Variants in PIBF1 observed in about 807,000 individuals in gnomAD.
PIBF1 encodes the protein progesterone immunomodulatory binding factor 1.
PIBF1 carries 90 observed loss-of-function variants against 112.5 expected under a neutral mutation model. The ratio of observed to expected loss-of-function variants is 0.80; its 90% CI spans 0.67 to 0.95. PIBF1 has a LOEUF of 0.95. PIBF1 is among the 40% of genes least tolerant of loss of function. The pLI is 0.00. For synonymous variants in PIBF1, 301 were observed against 288.6 expected, an observed-to-expected ratio of 1.04 and a Z score of -0.44; for missense variants, 915 against 852.3, an observed-to-expected ratio of 1.07 and a Z score of -0.92.
chr13:72,934,287 T>C (rs1264914714), intron 14 of PIBF1, among the ~76,000 whole-genome samples: 5 of 152,024 alleles, frequency 3.3e-5, no homozygotes, highest in African/African-American at 9.7e-5. Context: ...ATCTTTATTC[T>C]TTATTTTATT....
At chr13:72,874,019 A>T (rs1308949273) in intron 10 of PIBF1, among the ~76,000 whole-genome samples, 1 of 152,184 alleles carries the variant, frequency 6.6e-6, no homozygotes, top group Admixed American at 6.5e-5. Flanking sequence ...ATCACCAGGA[A>T]AATGGAAATT....
intron 5 of PIBF1, among the ~76,000 whole-genome samples, chr13:72,802,827 G>C (rs574032392): frequency 1.9e-4 from 29 of 152,114 alleles, no homozygotes; most frequent in Non-Finnish European, 3.2e-4. Context: ...GGGAAGAGAA[G>C]GAAGACCACA....
chr13:72,996,939 TAA>T (rs1357753043), intron 16 of PIBF1, among the ~76,000 whole-genome samples: 1 of 152,228 alleles, frequency 6.6e-6, no homozygotes, highest in Non-Finnish European at 1.5e-5. Context: ...TTGCTGATCT[TAA>T]AGTGTTCTTT....
intron 5 of PIBF1, among the ~76,000 whole-genome samples, chr13:72,811,390 G>T (rs2036002532): frequency 6.6e-6 from 1 of 152,072 alleles, no homozygotes; most frequent in Non-Finnish European, 1.5e-5. Context: ...ATCACCTGAG[G>T]TCAGGAGTTC....
At chr13:72,834,360 C>A (rs896230935) in intron 8 of PIBF1, among the ~76,000 whole-genome samples, 4 of 152,140 alleles carry the variant, frequency 2.6e-5, no homozygotes, top group African/African-American at 9.7e-5. Context: ...TGCAGTGGCT[C>A]ACACCTGTAA....
intron 14 of PIBF1, among the ~76,000 whole-genome samples, chr13:72,953,241 C>G (rs775867496): frequency 4.9e-4 from 74 of 152,310 alleles, no homozygotes; most frequent in Middle Eastern, 3.4e-3. Flanking sequence ...AGACTTTCCC[C>G]CTATGAGCCC....
At chr13:72,997,729 A>G (rs1021483305) in intron 16 of PIBF1, among the ~76,000 whole-genome samples, 1 of 152,230 alleles carries the variant, frequency 6.6e-6, no homozygotes, top group Non-Finnish European at 1.5e-5. Context: ...GTGTTTTGGC[A>G]TGAAGATACA....
intron 8 of PIBF1, among the ~76,000 whole-genome samples, chr13:72,828,653 G>A (rs1239933350): frequency 6.6e-6 from 1 of 152,132 alleles, no homozygotes; most frequent in Non-Finnish European, 1.5e-5. Flanking sequence ...TGGTACATAT[G>A]TGCCACATTT....
intron 2 of PIBF1, among the ~76,000 whole-genome samples, chr13:72,787,804 C>T (rs1390075262): frequency 1.3e-5 from 2 of 151,906 alleles, no homozygotes; most frequent in East Asian, 3.9e-4. Context: ...GACTGTAGGC[C>T]CGTGCCACAA....
At chr13:72,962,253 C>T (rs1451884676) in intron 14 of PIBF1, among the ~76,000 whole-genome samples, 2 of 151,986 alleles carry the variant, frequency 1.3e-5, no homozygotes, top group Non-Finnish European at 2.9e-5. Flanking sequence ...ATATAGTACA[C>T]TAGCAATGAA....
chr13:72,879,903 T>C (rs1167436574), intron 10 of PIBF1, among the ~76,000 whole-genome samples: 1 of 152,254 alleles, frequency 6.6e-6, no homozygotes, highest in Non-Finnish European at 1.5e-5. Context: ...TGTTTACATA[T>C]TGTCTATGGC....
intron 8 of PIBF1, among the ~76,000 whole-genome samples, chr13:72,831,967 TC>T (rs1291422421): frequency 1.3e-5 from 2 of 152,114 alleles, no homozygotes; most frequent in African/African-American, 4.8e-5. Context: ...AGTTAGCTCT[TC>T]CTGCCGCATT....
chr13:73,014,976 G>A lies in PIBF1; in HGVS notation c.2224-893G>A, dbSNP rs1355366308. Among the ~76,000 whole-genome samples the A allele has an allele frequency of 2.6e-5, 4 of 152,166 alleles. No individual in the cohort carries two copies. The East Asian group carries it at 7.7e-4, about 29-fold the overall frequency. On this transcript the variant is annotated intron_variant, in intron 17 of 17. Transcript: ENST00000326291. Reference sequence around the variant, plus strand: ...ATTTTTTGTATTTTTAGTAGAAACAGGGTTTCACCATGTTGGCCAGGCTGA... The same window carrying A: ...ATTTTTTGTATTTTTAGTAGAAACAAGGTTTCACCATGTTGGCCAGGCTGA...
intron 16 of PIBF1, among the ~76,000 whole-genome samples, chr13:72,990,360 A>C (rs1594328195): frequency 6.6e-6 from 1 of 150,940 alleles, no homozygotes; most frequent in East Asian, 1.9e-4. Context: ...GTCTCTACTA[A>C]AAATACAAAA....
chr13:72,799,678 G>T (rs2035376069), intron 5 of PIBF1, among the ~76,000 whole-genome samples: 1 of 152,196 alleles, frequency 6.6e-6, no homozygotes, highest in South Asian at 2.1e-4. Flanking sequence ...TATTGTTTCT[G>T]TAAAATGCCC....
chr13:72,862,894 G>T (rs1219570092), intron 10 of PIBF1, among the ~76,000 whole-genome samples: 1 of 152,150 alleles, frequency 6.6e-6, no homozygotes, highest in Non-Finnish European at 1.5e-5. Flanking sequence ...AATGACCTTT[G>T]TCATTTTGGT....
Position 72,827,010 on chromosome 13 carries a change from T to G in PIBF1, c.807T>G (p.Ser269Arg). The G allele has an allele frequency of 6.4e-7, 1 of 1,573,516 alleles. No homozygotes were observed. Among genetic ancestry groups the G allele is most frequent in the Non-Finnish European group, 8.7e-7 (1 of 1,152,298 alleles). The change falls in exon 7 of 18, where the codon AGT (serine) becomes AGG (arginine). Residue 269 changes from serine (S) to arginine (R), a missense_variant and splice_region_variant. Coordinates refer to ENST00000326291, the MANE Select transcript of PIBF1 (RefSeq NM_006346.4). ...GTCTCTTTGAATTTTATTTTAACAG[T>G]GAACGTGATGCACTTGAACAGGAAG... The part of the protein sequence containing the change: ...YRQENYDKVK[S>R]ERDALEQEVI...
In PIBF1 at chr13:72,892,037, A is replaced by G. The variant is rs533617618; in HGVS notation, c.1323-1747A>G. ...TTGCCAGGCCTGGATGAAGAGAAGAATAGGGAGTGACTAATGAACATGGGG... is the reference window on the plus strand; with the variant it reads ...TTGCCAGGCCTGGATGAAGAGAAGAGTAGGGAGTGACTAATGAACATGGGG... On this transcript the variant is annotated intron_variant, in intron 10 of 17. Transcript: ENST00000326291. Among the ~76,000 whole-genome samples the G allele has an allele frequency of 1.6e-4, 24 of 152,220 alleles. No homozygotes were observed. The South Asian group carries it at 4.8e-3, about 30-fold the overall frequency.
chr13:73,013,622 A>G (rs1251833290), intron 17 of PIBF1, among the ~76,000 whole-genome samples: 1 of 151,602 alleles, frequency 6.6e-6, no homozygotes, highest in Non-Finnish European at 1.5e-5. Context: ...CCATATTCCC[A>G]GGTACTCGGA....
Sources: gnomAD v4.1 joint callset for allele counts (sites outside exome capture counted in the v4.1 genomes callset) on GRCh38, gnomAD v4.1.1 for gene constraint, MANE v1.5 for transcripts, NCBI Gene and HGNC (gene_info 2026-07-23, HGNC 2026-07-21) for gene names.